The following ACTR3 variants were observed in gnomAD, a reference collection of about 807,000 sequenced individuals.
ACTR3 encodes the protein actin related protein 3.
ACTR3 carries 12 observed loss-of-function variants against 56.8 expected under a neutral mutation model. That is an observed-to-expected ratio of 0.21 (90% CI 0.14 to 0.34). ACTR3 has a LOEUF of 0.34. Among genes scored for constraint, ACTR3 ranks in the 10% least tolerant of loss-of-function variants. The pLI is 1.00. For missense variants in ACTR3, 282 were observed against 512.5 expected (o/e 0.55, Z 4.34); for synonymous variants, 162 against 167.4 (o/e 0.97, Z 0.25).
intron 8 of ACTR3, among the ~76,000 whole-genome samples, chr2:113,948,630 T>A (rs1680064209): frequency 6.6e-6 from 1 of 152,236 alleles, no homozygotes; most frequent in African/African-American, 2.4e-5. Context: ...TTTGTTCATA[T>A]CTGAGCCATG....
chr2:113,928,487 C>T (rs1559476111), intron 4 of ACTR3, among the ~76,000 whole-genome samples: 1 of 152,060 alleles, frequency 6.6e-6, no homozygotes, highest in African/African-American at 2.4e-5. Flanking sequence ...AATCACCGGT[C>T]TGCACCATTC....
intron 1 of ACTR3, among the ~76,000 whole-genome samples, chr2:113,912,700 A>T (rs1312225460): frequency 6.6e-6 from 1 of 152,186 alleles, no homozygotes; most frequent in African/African-American, 2.4e-5. Flanking sequence ...TTTTATACAG[A>T]TATACCATAC....
At position 113,959,288 on chromosome 2, in the gene ACTR3, C is replaced by G. The variant is rs1428873854; in HGVS notation, c.*1833C>G. 2 of 151,890 alleles carry G rather than the reference C, an allele frequency of 1.3e-5. No individual in the cohort carries two copies. Among genetic ancestry groups the G allele is most frequent in the African/African-American group, 4.8e-5 (2 of 41,382 alleles). The allele number at this position is 151,890 out of a possible 1,614,324, so 9.4% of individuals were successfully genotyped here. A position where few individuals can be genotyped will look rare whatever the true frequency, so the allele number is the denominator to read the frequency against. On this transcript the variant is annotated 3_prime_UTR_variant, in exon 12 of 12. Coordinates refer to ENST00000263238, the MANE Select transcript of ACTR3 (RefSeq NM_005721.5). ...ATAGGAACTTACTGTATATACTGTT[C>G]TGCACTTTGCTTTTATTAAAGATCT...
intron 4 of ACTR3, among the ~76,000 whole-genome samples, chr2:113,929,100 T>C (rs1284563874): frequency 2.0e-5 from 3 of 152,158 alleles, no homozygotes; most frequent in African/African-American, 7.2e-5. Flanking sequence ...TTTATCCATT[T>C]TCCTGTTGAT....
intron 1 of ACTR3, among the ~76,000 whole-genome samples, chr2:113,906,223 A>G (rs1681678366): frequency 6.6e-6 from 1 of 151,646 alleles, no homozygotes; most frequent in Non-Finnish European, 1.5e-5. Flanking sequence ...TTTGATTTGC[A>G]TTTTCTTTAT....
chr2:113,908,971 T>A (rs1043908249), intron 1 of ACTR3, among the ~76,000 whole-genome samples: 6 of 152,166 alleles, frequency 3.9e-5, no homozygotes, highest in Admixed American at 2.0e-4. Context: ...CCCTCATATT[T>A]TTTAAGAATT....
intron 1 of ACTR3, among the ~76,000 whole-genome samples, chr2:113,892,098 G>A (rs1342624768): frequency 6.6e-6 from 1 of 152,060 alleles, no homozygotes; most frequent in African/African-American, 2.4e-5. Flanking sequence ...GAAATAATAT[G>A]GTAACATCTC....
chr2:113,890,296 C>G lies in ACTR3; in HGVS notation c.17C>G (p.Pro6Arg). 1 of 1,282,750 alleles carries G rather than the reference C, an allele frequency of 7.8e-7. No individual in the cohort carries two copies. 79.5% of individuals were successfully genotyped at this position (1,282,750 alleles called of 1,614,324 possible). The change falls in exon 1 of 12, where the codon CCG becomes CGG. Residue 6 changes from proline to arginine, a missense_variant. Pro to Arg is a moderately radical substitution (Grantham distance 103). Coordinates refer to ENST00000263238, the MANE Select transcript of ACTR3 (RefSeq NM_005721.5). MAGRLPACVVDCGTGY... is the reference protein window; with the variant it reads MAGRLRACVVDCGTGY... The stretch of plus-strand genomic sequence containing the variant: ...AGGAGGAAGATGGCGGGACGGCTGC[C>G]GGCCTGTGTGGTGGACTGTGGCACG...
At chr2:113,893,852 G>A (rs1416434103) in intron 1 of ACTR3, among the ~76,000 whole-genome samples, 1 of 152,108 alleles carries the variant, frequency 6.6e-6, no homozygotes. Flanking sequence ...GCAGATTAAG[G>A]AATTTTGCTA....
At chr2:113,890,005 G>C (rs1189703434), upstream of ACTR3, 2 of 550,580 alleles carry the variant, frequency 3.6e-6, no homozygotes, top group East Asian at 6.7e-5. Context: ...AGAAGTTGTA[G>C]GGTGGGGGCA....
intron 4 of ACTR3, among the ~76,000 whole-genome samples, chr2:113,930,756 C>T (rs1679706484): frequency 1.3e-5 from 2 of 152,196 alleles, no homozygotes; most frequent in African/African-American, 4.8e-5. Context: ...CAGAAGAGTG[C>T]TCTGCAAACA....
intron 1 of ACTR3, among the ~76,000 whole-genome samples, chr2:113,906,440 A>G (rs887997328): frequency 1.3e-5 from 2 of 152,138 alleles, no homozygotes; most frequent in African/African-American, 4.8e-5. Flanking sequence ...CACTGTTGAT[A>G]GTGTCCTTTG....
chr2:113,893,576 G>A (rs1678948749), intron 1 of ACTR3, among the ~76,000 whole-genome samples: 1 of 152,178 alleles, frequency 6.6e-6, no homozygotes, highest in Admixed American at 6.5e-5. Flanking sequence ...ACAGGTGTGA[G>A]CCACCGCGCC....
rs779659611 is a variant in ACTR3 at position 113,942,191 on chromosome 2, C to T, written c.690C>T (p.Arg230=). 2 of 1,566,280 alleles carry T rather than the reference C, an allele frequency of 1.3e-6. No homozygotes were observed. Among genetic ancestry groups the T allele is most frequent in the South Asian group, 1.2e-5 (1 of 80,994 alleles). The stretch of plus-strand genomic sequence containing the variant: ...TTTGTTTCTTTGTTTTTCAGGAGCG[C>T]TATAGTTATGTCTGCCCAGATTTAG... ...SLETAKAVKE[R]YSYVCPDLVK... is the part of the protein sequence containing the mutation. The change falls in exon 8 of 12, where the codon CGC becomes CGT. Residue 230 remains arginine, a synonymous_variant. Transcript: ENST00000263238.
chr2:113,895,059 T>TCCCCCCCCCCCCCCCCCC (rs61667793), intron 1 of ACTR3, among the ~76,000 whole-genome samples: 4 of 111,366 alleles, frequency 3.6e-5, no homozygotes, highest in African/African-American at 1.0e-4. Flanking sequence ...TGGTTTAGGT[T>TCCCCCCCCCCCCCCCCCC]CCCCCCCCCC....
chr2:113,950,528 G>T (rs904124687), intron 8 of ACTR3, among the ~76,000 whole-genome samples: 1 of 152,140 alleles, frequency 6.6e-6, no homozygotes, highest in Non-Finnish European at 1.5e-5. Context: ...TTTTGATTTG[G>T]GGAGTAACAA....
At chr2:113,893,021 T>A (rs1574344902) in intron 1 of ACTR3, among the ~76,000 whole-genome samples, 1 of 151,144 alleles carries the variant, frequency 6.6e-6, no homozygotes, top group East Asian at 2.0e-4. Context: ...TTCATTCACA[T>A]TGATACCCTT....
At chr2:113,897,531 T>A (rs1366579864) in intron 1 of ACTR3, among the ~76,000 whole-genome samples, 1 of 146,092 alleles carries the variant, frequency 6.8e-6, no homozygotes, top group South Asian at 2.2e-4. Flanking sequence ...TTTTTTTTTT[T>A]TTTTTTTTTT....
intron 6 of ACTR3, 22 bp from the exon 7 acceptor site, chr2:113,939,937 G>T (rs1024574966): frequency 3.2e-6 from 5 of 1,550,400 alleles, no homozygotes; most frequent in African/African-American, 1.4e-5. Context: ...AGTAAATTTG[G>T]TATCTTTTTT....
Sources: gnomAD v4.1 joint callset for allele counts (sites outside exome capture counted in the v4.1 genomes callset) on GRCh38, gnomAD v4.1.1 for gene constraint, MANE v1.5 for transcripts, NCBI Gene and HGNC (gene_info 2026-07-23, HGNC 2026-07-21) for gene names.